WWOX: variants seen among roughly 807,000 people sequenced by gnomAD.
WWOX encodes WW domain containing oxidoreductase, also known as WW domain-containing oxidoreductase.
WWOX carries 69 observed loss-of-function variants against 46.2 expected under a neutral mutation model. The observed-to-expected ratio is 1.49, with a 90% CI of 1.23 to 1.82. The LOEUF is 1.82. Among genes scored for constraint, WWOX ranks in the 40% most tolerant of loss-of-function variants. The pLI is 0.00. For missense variants in WWOX, 919 were observed against 542.6 expected, an observed-to-expected ratio of 1.69 and a Z score of -6.89; for synonymous variants, 359 against 202.6, an observed-to-expected ratio of 1.77 and a Z score of -6.56.
At chr16:79,092,266 C>A (rs1387896630) in intron 8 of WWOX, among the ~76,000 whole-genome samples, 3 of 152,042 alleles carry the variant, frequency 2.0e-5, no homozygotes, top group Admixed American at 6.6e-5. Flanking sequence ...AAGGCTTTAA[C>A]AATATTAAAA....
At chr16:78,309,745 G>A (rs1027059095) in intron 5 of WWOX, among the ~76,000 whole-genome samples, 4 of 152,162 alleles carry the variant, frequency 2.6e-5, no homozygotes, top group Non-Finnish European at 4.4e-5. Context: ...AAACTGGAAT[G>A]CTGTTAATAA....
Position 79,211,836 on chromosome 16 carries a change from G to A in WWOX, c.*40G>A, listed in dbSNP as rs1333431914. The A allele has an allele frequency of 5.0e-6, 8 of 1,612,624 alleles. No homozygotes were observed. The East Asian group carries it at 1.3e-4, about 27-fold the overall frequency. ...GGATGGGCACACACACCCGCCCTGT[G>A]TGTGTCCCCTCACGCAAGTGCCAGG... On this transcript the variant is annotated 3_prime_UTR_variant, in exon 9 of 9. Transcript: ENST00000566780.
intron 8 of WWOX, among the ~76,000 whole-genome samples, chr16:78,553,852 G>C (rs2044229068): frequency 6.6e-6 from 1 of 152,026 alleles, no homozygotes; most frequent in South Asian, 2.1e-4. Flanking sequence ...GGGAAGTGTG[G>C]CTGCCCGGAG....
At position 78,442,142 on chromosome 16, in the gene WWOX, G is replaced by GA. The variant is rs202065342; in HGVS notation, c.1056+9400dup. Among the ~76,000 whole-genome samples the GA allele has an allele frequency of 2.4e-3, 351 of 148,492 alleles. 1 individual carries two copies. The highest frequency in any genetic ancestry group is 4.2e-3 in the Admixed American group (63 of 14,886). On this transcript the variant is annotated intron_variant, in intron 8 of 8. Transcript: ENST00000566780. The stretch of plus-strand genomic sequence containing the variant: ...ACATAGTGAGACCCTATCTCTAAAG[G>GA]AAAAAAAAAATTATATGTATTCGTG...
chr16:78,661,042 C>A (rs1597408063), intron 8 of WWOX, among the ~76,000 whole-genome samples: 1 of 152,052 alleles, frequency 6.6e-6, no homozygotes, highest in Admixed American at 6.6e-5. Context: ...AATGAATGTT[C>A]CTGCATGTAT....
At chr16:78,887,077 GGT>G (rs749992495) in intron 8 of WWOX, among the ~76,000 whole-genome samples, 1,713 of 61,172 alleles carry the variant, frequency 0.028, 37 homozygotes, top group African/African-American at 0.064. Context: ...GTGTGTGTGT[GGT>G]GTGTGTGTGT....
intron 8 of WWOX, among the ~76,000 whole-genome samples, chr16:78,886,946 TA>T (rs2044471063): frequency 6.6e-6 from 1 of 152,088 alleles, no homozygotes. Context: ...AAAGTGAATA[TA>T]AAATTCTTAA....
intron 8 of WWOX, chr16:78,898,243 A>G (rs551757884): frequency 3.3e-5 from 5 of 151,998 alleles, no homozygotes; most frequent in Non-Finnish European, 7.4e-5. Flanking sequence ...ATATTTTCCT[A>G]TGTTTTCTTC....
intron 8 of WWOX, among the ~76,000 whole-genome samples, chr16:79,032,366 A>G (rs1179331196): frequency 6.9e-6 from 1 of 145,826 alleles, no homozygotes; most frequent in Non-Finnish European, 1.5e-5. Flanking sequence ...ATTCTATGTA[A>G]TATATAATAT....
chr16:78,332,089 G>A (rs931827843), intron 5 of WWOX, among the ~76,000 whole-genome samples: 1 of 152,004 alleles, frequency 6.6e-6, no homozygotes, highest in African/African-American at 2.4e-5. Flanking sequence ...GCCTTCCCTG[G>A]GCCATGAAAG....
intron 8 of WWOX, among the ~76,000 whole-genome samples, chr16:78,802,110 G>A (rs59596938): frequency 2.5e-3 from 378 of 151,844 alleles, no homozygotes; most frequent in African/African-American, 8.6e-3. Flanking sequence ...GTGCCTGTGC[G>A]TGAATCTCAC....
chr16:79,120,800 A>G, intron 8 of WWOX, among the ~76,000 whole-genome samples: 1 of 151,914 alleles, frequency 6.6e-6, no homozygotes, highest in East Asian at 1.9e-4. Flanking sequence ...ACACAGTCTC[A>G]CTCTGTTGCC....
At chr16:79,032,506 T>C (rs1359529933) in intron 8 of WWOX, among the ~76,000 whole-genome samples, 1 of 148,204 alleles carries the variant, frequency 6.7e-6, no homozygotes, top group Non-Finnish European at 1.5e-5. Context: ...TATACACATA[T>C]ACAGCTAATA....
At chr16:78,408,597 G>C (rs1317066587) in intron 6 of WWOX, among the ~76,000 whole-genome samples, 1 of 152,204 alleles carries the variant, frequency 6.6e-6, no homozygotes, top group African/African-American at 2.4e-5. Flanking sequence ...TTGATCTCCT[G>C]TCCTACGTAG....
chr16:78,688,492 G>T (rs1463955254), intron 8 of WWOX, among the ~76,000 whole-genome samples: 1 of 151,866 alleles, frequency 6.6e-6, no homozygotes, highest in African/African-American at 2.4e-5. Flanking sequence ...TGAGAGAATA[G>T]AAACTTTTGC....
chr16:78,135,137 A>G (rs1035494193), intron 4 of WWOX, among the ~76,000 whole-genome samples: 1 of 152,214 alleles, frequency 6.6e-6, no homozygotes, highest in African/African-American at 2.4e-5. Context: ...GAGGATGCAG[A>G]TTCCACCCTC....
intron 8 of WWOX, among the ~76,000 whole-genome samples, chr16:78,533,870 G>A (rs1024035157): frequency 6.6e-6 from 1 of 152,026 alleles, no homozygotes; most frequent in Admixed American, 6.5e-5. Flanking sequence ...TATCATCTCT[G>A]TGAGCCCTTT....
intron 8 of WWOX, among the ~76,000 whole-genome samples, chr16:78,989,855 T>TGTGA (rs1410112349): frequency 2.7e-5 from 4 of 149,652 alleles, no homozygotes; most frequent in South Asian, 2.1e-4. Flanking sequence ...TGTGTGTGTG[T>TGTGA]GATTGAGAGA....
intron 8 of WWOX, among the ~76,000 whole-genome samples, chr16:78,997,914 T>C (rs1274448068): frequency 1.3e-5 from 2 of 152,152 alleles, no homozygotes; most frequent in African/African-American, 2.4e-5. Context: ...TTCACCCTTA[T>C]TGCCTAGGCT....
Sources: allele counts gnomAD v4.1 joint callset (sites outside exome capture counted in the v4.1 genomes callset), GRCh38; gene constraint gnomAD v4.1.1; transcripts MANE v1.5; gene names NCBI Gene and HGNC (gene_info 2026-07-23, HGNC 2026-07-21).